The following NR2C2 variants were observed in gnomAD, a reference collection of about 807,000 sequenced individuals.
NR2C2 encodes nuclear receptor subfamily 2 group C member 2, also known as Nuclear hormone receptor TR4.
Under a neutral mutation model 62.9 loss-of-function variants are expected in NR2C2, and 6 were observed. The ratio of observed to expected loss-of-function variants is 0.10; its 90% CI spans 0.05 to 0.19. The LOEUF (loss-of-function observed/expected upper bound fraction) is 0.19. Ranked by LOEUF, NR2C2 falls within the 10% of genes least tolerant of loss-of-function variation. The pLI, the probability that NR2C2 is intolerant of heterozygous loss-of-function variation, is 1.00. For synonymous variants in NR2C2, 272 were observed against 273.8 expected, an observed-to-expected ratio of 0.99 and a Z score of 0.07; for missense variants, 479 against 762.7, an observed-to-expected ratio of 0.63 and a Z score of 4.38.
In NR2C2 at chr3:15,049,128, ATTG is replaced by A. The variant is rs1188515930; in HGVS notation, c.*6125_*6127del. The A allele has an allele frequency of 3.9e-5, 6 of 152,598 alleles. No homozygotes were observed. The highest frequency in any genetic ancestry group is 5.9e-5 in the Non-Finnish European group (4 of 68,028). 9.5% of individuals were successfully genotyped at this position (152,598 alleles called of 1,614,324 possible). On this transcript the variant is annotated 3_prime_UTR_variant, in exon 14 of 14. Coordinates refer to ENST00000425241, the MANE Select transcript of NR2C2 (RefSeq NM_001291694.2). ...TCTTCAGTCTTGAAGAAGAATTTGC[ATTG>A]TTGTGTTTGTATATAGAGTATTGCA...
At chr3:15,031,177 G>A (rs999648153) in intron 9 of NR2C2, among the ~76,000 whole-genome samples, 4 of 152,112 alleles carry the variant, frequency 2.6e-5, no homozygotes, top group African/African-American at 9.7e-5. Flanking sequence ...CAGGCAGCCA[G>A]CCATTGATCC....
At position 15,047,876 on chromosome 3, in the gene NR2C2, T is replaced by C. The variant is rs1464738536; in HGVS notation, c.*4868T>C. The C allele has an allele frequency of 1.3e-5, 2 of 152,230 alleles. No homozygotes were observed. Among genetic ancestry groups the C allele is most frequent in the East Asian group, 3.8e-4 (2 of 5,196 alleles). The allele number at this position is 152,230 out of a possible 1,614,324, so 9.4% of individuals were successfully genotyped here. ...TTAAATTTTCAGATAAGAATTGCAT[T>C]TTAATATGGATATGTGTGCCCTTAA... On this transcript the variant is annotated 3_prime_UTR_variant, in exon 14 of 14. Transcript: ENST00000425241.
chr3:14,950,908 T>TA (rs2039337122), intron 1 of NR2C2, among the ~76,000 whole-genome samples: 1 of 152,234 alleles, frequency 6.6e-6, no homozygotes, highest in Non-Finnish European at 1.5e-5. Flanking sequence ...ATAAGCCTGT[T>TA]ACGGTATTTG....
In NR2C2 at chr3:15,037,996, C is replaced by T. The variant is rs115305781; in HGVS notation, c.1373-4C>T. The T allele has an allele frequency of 6.2e-7, 1 of 1,612,138 alleles. No homozygotes were observed. The highest frequency in any genetic ancestry group is 1.1e-5 in the South Asian group (1 of 90,702). ...TTCTCAGGATCTGTGATGTTGGTTT[C>T]TAGATAAACTTTCTGGTGACCGGAT... On this transcript the variant is annotated splice_region_variant and splice_polypyrimidine_tract_variant and intron_variant, in intron 11 of 13. Coordinates refer to ENST00000425241, the MANE Select transcript of NR2C2 (RefSeq NM_001291694.2).
At chr3:15,013,553 A>G in intron 2 of NR2C2, 36 bp from the exon 3 acceptor site, 1 of 1,596,136 alleles carries the variant, frequency 6.3e-7, no homozygotes, top group South Asian at 1.1e-5. Context: ...GTCTTGTGAC[A>G]CTCCATGAGA....
rs2042501605 is a variant in NR2C2, at chr3:15,047,603, G to C, written c.*4595G>C. 1 of 152,234 alleles carries C rather than the reference G, an allele frequency of 6.6e-6. No homozygotes were observed. Among genetic ancestry groups the C allele is most frequent in the South Asian group, 2.1e-4 (1 of 4,836 alleles). The allele number at this position is 152,234 out of a possible 1,614,324, so 9.4% of individuals were successfully genotyped here. On this transcript the variant is annotated 3_prime_UTR_variant, in exon 14 of 14. Coordinates refer to ENST00000425241, the MANE Select transcript of NR2C2 (RefSeq NM_001291694.2). ...CAGTGAGGCCTGACTCCCAAAGATG[G>C]TAGCAATTTCCCAGGCTTGCGCTGT...
intron 1 of NR2C2, 30 bp downstream of exon 1, chr3:14,947,936 G>C (rs984969861): frequency 1.3e-5 from 2 of 150,414 alleles, no homozygotes; most frequent in Non-Finnish European, 3.0e-5. Context: ...GGGCGGGCTC[G>C]GGCCGGCGGC....
At chr3:14,970,588 C>T (rs1008363785) in intron 1 of NR2C2, among the ~76,000 whole-genome samples, 3 of 152,140 alleles carry the variant, frequency 2.0e-5, no homozygotes, top group Non-Finnish European at 2.9e-5. Context: ...AATTGTCATT[C>T]GTTACTGGGC....
chr3:14,968,992 G>A (rs1174303572), intron 1 of NR2C2, among the ~76,000 whole-genome samples: 3 of 126,996 alleles, frequency 2.4e-5, no homozygotes, highest in Non-Finnish European at 3.3e-5. Context: ...GTTGTGGGGT[G>A]GGGGGAGGGG....
At chr3:14,949,249 C>T (rs1574911161) in intron 1 of NR2C2, among the ~76,000 whole-genome samples, 1 of 152,172 alleles carries the variant, frequency 6.6e-6, no homozygotes, top group South Asian at 2.1e-4. Flanking sequence ...GCCAAATGAC[C>T]TGCTGAAGAA....
intron 1 of NR2C2, among the ~76,000 whole-genome samples, chr3:14,983,357 T>A (rs2040427521): frequency 6.6e-6 from 1 of 152,062 alleles, no homozygotes; most frequent in Non-Finnish European, 1.5e-5. Context: ...TGATTTCTCT[T>A]TTTTGATCAG....
intron 1 of NR2C2, among the ~76,000 whole-genome samples, chr3:14,993,518 A>G (rs893031288): frequency 2.6e-5 from 4 of 152,140 alleles, no homozygotes; most frequent in Non-Finnish European, 4.4e-5. Context: ...GTCTATTCAT[A>G]ATTATCAGAC....
intron 4 of NR2C2, among the ~76,000 whole-genome samples, chr3:15,017,938 G>T (rs1306356895): frequency 6.6e-6 from 1 of 152,188 alleles, no homozygotes; most frequent in African/African-American, 2.4e-5. Flanking sequence ...AGTCTCAGCT[G>T]GAAACAAGTG....
At chr3:14,998,991 G>C (rs2040908943) in intron 1 of NR2C2, among the ~76,000 whole-genome samples, 1 of 152,056 alleles carries the variant, frequency 6.6e-6, no homozygotes, top group South Asian at 2.1e-4. Flanking sequence ...GGGCATCCAG[G>C]AGTGAGACCG....
At chr3:14,967,969 C>T (rs952718152) in intron 1 of NR2C2, among the ~76,000 whole-genome samples, 1 of 151,986 alleles carries the variant, frequency 6.6e-6, no homozygotes, top group African/African-American at 2.4e-5. Context: ...CTTCCTTACA[C>T]CTTATACAAA....
chr3:15,002,407 C>T (rs1456129535), intron 1 of NR2C2, among the ~76,000 whole-genome samples: 1 of 152,068 alleles, frequency 6.6e-6, no homozygotes, highest in African/African-American at 2.4e-5. Flanking sequence ...AACAAGCTTG[C>T]TTTCCTGGGA....
At chr3:14,973,784 A>G (rs1344137910) in intron 1 of NR2C2, among the ~76,000 whole-genome samples, 1 of 151,930 alleles carries the variant, frequency 6.6e-6, no homozygotes. Flanking sequence ...TTTTCCTCTA[A>G]TATTGGTAAA....
intron 2 of NR2C2, among the ~76,000 whole-genome samples, chr3:15,008,231 TA>T (rs2041248393): frequency 6.6e-6 from 1 of 151,058 alleles, no homozygotes; most frequent in Non-Finnish European, 1.5e-5. Flanking sequence ...TTTTTTTTTT[TA>T]AATTAGGGGG....
intron 1 of NR2C2, among the ~76,000 whole-genome samples, chr3:14,989,685 C>T (rs960361575): frequency 6.0e-5 from 9 of 150,556 alleles, no homozygotes; most frequent in African/African-American, 9.8e-5. Context: ...GTAATCCCAA[C>T]GCTTTGGGAA....
Sources: gnomAD v4.1 joint callset for allele counts (sites outside exome capture counted in the v4.1 genomes callset) on GRCh38, gnomAD v4.1.1 for gene constraint, MANE v1.5 for transcripts, NCBI Gene and HGNC (gene_info 2026-07-23, HGNC 2026-07-21) for gene names.